Variants in PCDHGA7 observed in about 807,000 individuals in gnomAD.
PCDHGA7 encodes protocadherin gamma subfamily A, 7.
A neutral mutation model predicts 58.3 loss-of-function variants in PCDHGA7; 44 were observed. That is an observed-to-expected ratio of 0.75 (90% confidence interval 0.59 to 0.97). The LOEUF (loss-of-function observed/expected upper bound fraction) is 0.97, where lower values mean the gene tolerates loss of function less well. Ranked by LOEUF, PCDHGA7 falls within the 50% of genes least tolerant of loss-of-function variation. The pLI, the probability that PCDHGA7 is intolerant of heterozygous loss-of-function variation, is 0.00. For missense variants in PCDHGA7, 1,266 were observed against 1,188.7 expected, an observed-to-expected ratio of 1.06 and a Z score of -0.96; for synonymous variants, 516 against 504.2, an observed-to-expected ratio of 1.02 and a Z score of -0.31.
In PCDHGA7 at chr5:141,435,253, G is replaced by A. The variant is rs2097754974; in HGVS notation, c.2424+49930G>A. Among the ~76,000 whole-genome samples the A allele has an allele frequency of 1.3e-5, 2 of 152,064 alleles. 1 individual carries two copies. The highest frequency in any genetic ancestry group is 3.9e-4 in the East Asian group (2 of 5,184). On this transcript the variant is annotated intron_variant, in intron 1 of 3. Transcript: ENST00000518325. ...TTCAGTAATTCTTTCTGGCCATTAG[G>A]GATATGTCCATTTATACTTTCTCAG...
Position 141,510,868 on chromosome 5 carries a change from T to C in PCDHGA7, c.2573-79T>C, listed in dbSNP as rs2099883142. 40 of 1,608,466 alleles carry C rather than the reference T, an allele frequency of 2.5e-5. No homozygotes were observed. The Middle Eastern group carries it at 4.9e-4, about 20-fold the overall frequency. On this transcript the variant is annotated intron_variant, in intron 3 of 3. Transcript: ENST00000518325. The stretch of plus-strand genomic sequence containing the variant: ...GCCCAGGGTGCTGTATAGGCATTCA[T>C]TAACTGCTGGGGATATAAGACAGTG...
At chr5:141,438,579 CAT>C (rs2097974137) in intron 1 of PCDHGA7, among the ~76,000 whole-genome samples, 1 of 55,780 alleles carries the variant, frequency 1.8e-5, no homozygotes, top group Admixed American at 2.8e-4. Context: ...GATATACATA[CAT>C]ACATACATAC....
intron 3 of PCDHGA7, chr5:141,507,335 T>A (rs1228652205): frequency 6.6e-6 from 1 of 151,804 alleles, no homozygotes; most frequent in Non-Finnish European, 1.5e-5. Context: ...TGCTCATTGT[T>A]TACCTGAAAT....
intron 1 of PCDHGA7, among the ~76,000 whole-genome samples, chr5:141,443,082 C>A (rs958408385): frequency 6.6e-6 from 1 of 151,624 alleles, no homozygotes; most frequent in African/African-American, 2.4e-5. Flanking sequence ...ACTGAGTGTT[C>A]CAGTCTCCTT....
chr5:141,389,010 C>T (rs141101630), intron 1 of PCDHGA7: 2 of 1,613,862 alleles, frequency 1.2e-6, no homozygotes, highest in African/African-American at 2.7e-5. Flanking sequence ...GGATTCCAGA[C>T]ACAATGGAGA....
chr5:141,393,120 C>T lies in PCDHGA7; in HGVS notation c.2424+7797C>T, dbSNP rs142751758. The T allele has an allele frequency of 9.0e-3, 14,600 of 1,613,382 alleles. 101 individuals carry two copies. The highest frequency in any genetic ancestry group is 0.01 in the Non-Finnish European group (11,861 of 1,179,884). On this transcript the variant is annotated intron_variant, in intron 1 of 3. Transcript: ENST00000518325. ...GCTCTGCGCTCAGAGCCCGCGGTGT[C>T]TGATAAATATTAACACCCTGGTTGA...
In PCDHGA7 at chr5:141,410,110, C is replaced by G. The variant is rs1361292941; in HGVS notation, c.2424+24787C>G. The G allele has an allele frequency of 6.8e-6, 11 of 1,612,422 alleles. No homozygotes were observed. In the African/African-American group the frequency reaches 1.3e-4, roughly 20 times the overall value. ...CGGCTCGAGCCTTAGGCGACAGGGA[C>G]GCAGCCCGCCAGCGCCTGCTGGTCG... is the stretch of plus-strand genomic sequence containing the variant. On this transcript the variant is annotated intron_variant, in intron 1 of 3. Coordinates refer to ENST00000518325, the MANE Select transcript of PCDHGA7 (RefSeq NM_018920.4).
At chr5:141,428,164 T>C (rs1221973020) in intron 1 of PCDHGA7, 1 of 1,564,976 alleles carries the variant, frequency 6.4e-7, no homozygotes, top group South Asian at 1.1e-5. Flanking sequence ...TGCTGGTTGC[T>C]GTGCGTGACG....
intron 1 of PCDHGA7, chr5:141,408,014 C>G (rs2095025916): frequency 5.0e-6 from 5 of 1,001,096 alleles, no homozygotes; most frequent in Non-Finnish European, 7.0e-6. Flanking sequence ...CCTGCGCAGC[C>G]AACAACAGAA....
At chr5:141,412,084 G>C (rs1199665555) in intron 1 of PCDHGA7, 1 of 152,170 alleles carries the variant, frequency 6.6e-6, no homozygotes, top group East Asian at 1.9e-4. Flanking sequence ...ATTGCTACTG[G>C]GTTGATGGGC....
chr5:141,455,983 C>T (rs542017964), intron 1 of PCDHGA7, among the ~76,000 whole-genome samples: 23 of 151,546 alleles, frequency 1.5e-4, no homozygotes, highest in African/African-American at 5.1e-4. Context: ...CTGCAAGCTC[C>T]GCCTCTCGGG....
intron 1 of PCDHGA7, chr5:141,424,500 G>A (rs2154550788): frequency 6.6e-6 from 1 of 152,208 alleles, no homozygotes; most frequent in African/African-American, 2.4e-5. Flanking sequence ...TGTATGTATG[G>A]AAGGTTTTTT....
chr5:141,447,430 A>G (rs960560239), intron 1 of PCDHGA7, among the ~76,000 whole-genome samples: 9 of 152,156 alleles, frequency 5.9e-5, no homozygotes, highest in African/African-American at 2.2e-4. Flanking sequence ...GAGCCACCGC[A>G]CCCGGAGGAA....
intron 1 of PCDHGA7, among the ~76,000 whole-genome samples, chr5:141,459,059 A>G (rs1219921155): frequency 2.6e-5 from 4 of 152,228 alleles, no homozygotes; most frequent in African/African-American, 4.8e-5. Context: ...AGTATAATTT[A>G]TATAACATAA....
At chr5:141,445,573 A>G (rs1311326050) in intron 1 of PCDHGA7, among the ~76,000 whole-genome samples, 1 of 152,248 alleles carries the variant, frequency 6.6e-6, no homozygotes, top group Admixed American at 6.5e-5. Flanking sequence ...AGCTTATAGT[A>G]GGGAAGCTTC....
chr5:141,485,214 G>T lies in PCDHGA7; in HGVS notation c.2425-9593G>T. 6.2e-7 allele frequency: 1 copy of T among 1,614,164 alleles called. No individual in the cohort carries two copies. The highest frequency in any genetic ancestry group is 8.5e-7 in the Non-Finnish European group (1 of 1,179,996). On this transcript the variant is annotated intron_variant, in intron 1 of 3. Transcript: ENST00000518325. This position sits in a 1 kb window ranked among gnomAD's most constrained non-coding sequence, Gnocchi z 5.7. ...AGAAGCTGGACAGAAATCTGGCGGT[G>T]GGCTACCCTTTTGTTCCTCTTTTAC...
At chr5:141,460,817 A>G (rs527681610) in intron 1 of PCDHGA7, among the ~76,000 whole-genome samples, 3 of 152,126 alleles carry the variant, frequency 2.0e-5, no homozygotes, top group South Asian at 2.1e-4. Context: ...ATGTATACAT[A>G]TATACACACT....
intron 1 of PCDHGA7, among the ~76,000 whole-genome samples, chr5:141,405,955 C>T (rs116457023): frequency 0.015 from 2,244 of 152,168 alleles, 22 homozygotes; most frequent in Admixed American, 0.035. Flanking sequence ...TAATAATTAA[C>T]CTGCTGTCAA....
chr5:141,507,478 C>A (rs933478897), intron 3 of PCDHGA7, among the ~76,000 whole-genome samples: 3 of 152,158 alleles, frequency 2.0e-5, no homozygotes, highest in Non-Finnish European at 4.4e-5. Context: ...GGACTGCTGG[C>A]CTCCTGAGGC....
Sources: gnomAD v4.1 joint callset for allele counts (sites outside exome capture counted in the v4.1 genomes callset) on GRCh38, gnomAD v4.1.1 for gene constraint, Gnocchi (gnomAD v3.1) non-coding constraint, MANE v1.5 for transcripts, NCBI Gene and HGNC (gene_info 2026-07-23, HGNC 2026-07-21) for gene names.